The following VMP1 variants were observed in gnomAD, a reference collection of about 807,000 sequenced individuals.
VMP1 encodes ectopic P-granules autophagy protein 3 homolog.
In VMP1, 11 loss-of-function variants were observed where a neutral mutation model predicts 56.0. The ratio of observed to expected loss-of-function variants is 0.20; its 90% CI spans 0.12 to 0.32. The LOEUF is 0.32. Ranked by LOEUF, VMP1 falls within the 10% of genes least tolerant of loss-of-function variation. VMP1 has a pLI of 1.00. For missense variants in VMP1, 296 were observed against 490.3 expected, an observed-to-expected ratio of 0.60 and a Z score of 3.74; for synonymous variants, 149 against 165.0, an observed-to-expected ratio of 0.90 and a Z score of 0.74.
intron 10 of VMP1, among the ~76,000 whole-genome samples, chr17:59,831,610 G>T (rs955087528): frequency 1.2e-4 from 16 of 131,676 alleles, no homozygotes; most frequent in African/African-American, 4.1e-4. Context: ...TATTTTGAAT[G>T]GATTTTTTTT....
intron 5 of VMP1, 100 bp downstream of exon 5, chr17:59,739,047 C>T (rs2143836765): frequency 6.4e-6 from 6 of 934,104 alleles, no homozygotes; most frequent in East Asian, 5.8e-5. Context: ...GTTTTAATTA[C>T]CTTTGTGTTT....
chr17:59,766,840 C>A (rs1479357701), intron 6 of VMP1, among the ~76,000 whole-genome samples: 1 of 151,462 alleles, frequency 6.6e-6, no homozygotes, highest in South Asian at 2.1e-4. Flanking sequence ...AGTGTGGTAG[C>A]GCAATCTCGG....
intron 5 of VMP1, among the ~76,000 whole-genome samples, chr17:59,758,165 C>G (rs551338684): frequency 2.0e-5 from 3 of 152,110 alleles, no homozygotes; most frequent in African/African-American, 7.2e-5. Flanking sequence ...AAGATGTACT[C>G]CCTGTATTGA....
At position 59,831,967 on chromosome 17, in the gene VMP1, C is replaced by T. The variant is rs376363562; in HGVS notation, c.975-6328C>T. 3.2e-4 allele frequency among the ~76,000 whole-genome samples: 48 copies of T among 152,072 alleles called. No individual in the cohort carries two copies. In the South Asian group the frequency reaches 9.8e-3, roughly 31 times the overall value. On this transcript the variant is annotated intron_variant, in intron 10 of 11. Coordinates refer to ENST00000262291, the MANE Select transcript of VMP1 (RefSeq NM_030938.5). ...TGATTATAGCTCACTAAGCCTCCAT[C>T]CCAACTCCTGGGCTCAAGAGAGCCT...
chr17:59,724,944 C>T (rs1292429598), intron 1 of VMP1, among the ~76,000 whole-genome samples: 2 of 149,938 alleles, frequency 1.3e-5, no homozygotes, highest in African/African-American at 2.5e-5. Context: ...CCAGCCTGGG[C>T]GACAGAATGA....
chr17:59,823,520 T>C (rs948628805), intron 10 of VMP1, among the ~76,000 whole-genome samples: 3 of 148,006 alleles, frequency 2.0e-5, no homozygotes, highest in Non-Finnish European at 4.5e-5. Flanking sequence ...GAGGCTGAGG[T>C]GGGCGGATCA....
chr17:59,713,223 G>C (rs977694217), intron 1 of VMP1, among the ~76,000 whole-genome samples: 4 of 151,560 alleles, frequency 2.6e-5, no homozygotes, highest in East Asian at 3.9e-4. Context: ...GACACAGGAG[G>C]GGGGACATCA....
chr17:59,775,029 C>T (rs2036569346), intron 7 of VMP1, among the ~76,000 whole-genome samples: 1 of 151,992 alleles, frequency 6.6e-6, no homozygotes, highest in African/African-American at 2.4e-5. Flanking sequence ...ACAAGCTCCA[C>T]CTTCTGGGTT....
At chr17:59,771,166 C>CA (rs2036410048) in intron 6 of VMP1, among the ~76,000 whole-genome samples, 1 of 146,294 alleles carries the variant, frequency 6.8e-6, no homozygotes, top group South Asian at 2.1e-4. Context: ...TACATTACAC[C>CA]TTTTTTTTTT....
intron 1 of VMP1, among the ~76,000 whole-genome samples, chr17:59,722,238 A>G (rs2034428306): frequency 6.6e-6 from 1 of 152,204 alleles, no homozygotes; most frequent in Non-Finnish European, 1.5e-5. Context: ...AAGTCAGATT[A>G]TAAACAAAAT....
intron 5 of VMP1, among the ~76,000 whole-genome samples, chr17:59,762,202 A>G (rs2036080726): frequency 2.6e-5 from 4 of 152,210 alleles, no homozygotes; most frequent in African/African-American, 4.8e-5. Context: ...CTTCAGCCAT[A>G]GACCAGGATC....
intron 5 of VMP1, 117 bp downstream of exon 5, chr17:59,739,064 CATTCTG>C (rs2035117244): frequency 4.2e-6 from 3 of 720,558 alleles, no homozygotes; most frequent in Non-Finnish European, 4.3e-6. Context: ...GTTTTGTAAG[CATTCTG>C]ATCCTCCAAT....
chr17:59,807,902 TAATAAAGCATTTACACACATTCAAAA>T, intron 7 of VMP1, among the ~76,000 whole-genome samples: 1 of 152,056 alleles, frequency 6.6e-6, no homozygotes, highest in East Asian at 1.9e-4. Context: ...GAAGACTTAT[TAATAAAGCATTTACACACATTCAAAA>T]AATAAAGCAT....
At chr17:59,777,609 C>T (rs1181852600) in intron 7 of VMP1, among the ~76,000 whole-genome samples, 1 of 152,002 alleles carries the variant, frequency 6.6e-6, no homozygotes, top group Non-Finnish European at 1.5e-5. Flanking sequence ...GTCAGGAGTT[C>T]AAGACCAGCC....
chr17:59,756,909 A>G (rs186258905), intron 5 of VMP1, among the ~76,000 whole-genome samples: 1 of 152,356 alleles, frequency 6.6e-6, no homozygotes, highest in Non-Finnish European at 1.5e-5. Context: ...AGACATGAGT[A>G]TAACCTTTTC....
chr17:59,745,117 T>C (rs2035375493), intron 5 of VMP1, among the ~76,000 whole-genome samples: 1 of 152,210 alleles, frequency 6.6e-6, no homozygotes, highest in Non-Finnish European at 1.5e-5. Context: ...TTTGCATCCC[T>C]ACCTTACTGA....
rs576434687 is a variant in VMP1, at chr17:59,739,772, A to G, written c.414+825A>G. 1.3e-4 allele frequency among the ~76,000 whole-genome samples: 19 copies of G among 143,566 alleles called. No homozygotes were observed. In the East Asian group the frequency reaches 3.9e-3, roughly 29 times the overall value. 94.2% of individuals were successfully genotyped at this position (143,566 alleles called of 152,430 possible). ...TGCCCCTTCTGAAAAATATTCTTTT[A>G]CTAGTGGAAATAAGAGAGAATGGCC... is the stretch of plus-strand genomic sequence containing the variant. On this transcript the variant is annotated intron_variant, in intron 5 of 11. Coordinates refer to ENST00000262291, the MANE Select transcript of VMP1 (RefSeq NM_030938.5).
At chr17:59,767,146 G>A (rs1382883231) in intron 6 of VMP1, among the ~76,000 whole-genome samples, 2 of 151,384 alleles carry the variant, frequency 1.3e-5, no homozygotes, top group Middle Eastern at 3.4e-3. Context: ...TAACTCATTG[G>A]GATTTGTTAT....
chr17:59,711,027 C>T (rs934797129), intron 1 of VMP1, among the ~76,000 whole-genome samples: 2 of 151,288 alleles, frequency 1.3e-5, no homozygotes, highest in African/African-American at 4.9e-5. Context: ...GAGCCGAGAT[C>T]GCGCCACTGC....
Sources: allele counts gnomAD v4.1 joint callset (sites outside exome capture counted in the v4.1 genomes callset), GRCh38; gene constraint gnomAD v4.1.1; transcripts MANE v1.5; gene names NCBI Gene and HGNC (gene_info 2026-07-23, HGNC 2026-07-21).